Variants in CACNA1E observed in about 807,000 individuals in gnomAD.
CACNA1E encodes calcium voltage-gated channel subunit alpha1 E.
In CACNA1E, 40 loss-of-function variants were observed where a neutral mutation model predicts 259.2. The observed-to-expected ratio is 0.15, with a 90% CI of 0.12 to 0.20. CACNA1E has a LOEUF of 0.20. CACNA1E is among the 10% of genes least tolerant of loss of function. The pLI, the probability that CACNA1E is intolerant of heterozygous loss-of-function variation, is 1.00. For missense variants in CACNA1E, 1,874 were observed against 3,040.1 expected (o/e 0.62, Z 9.02); for synonymous variants, 1,104 against 1,138.5 (o/e 0.97, Z 0.61).
At chr1:181,497,811 AG>A (rs1376985831) in intron 1 of CACNA1E, among the ~76,000 whole-genome samples, 1 of 152,196 alleles carries the variant, frequency 6.6e-6, no homozygotes, top group Non-Finnish European at 1.5e-5. Context: ...ACTGGGTATG[AG>A]GCTAACTCAT....
intron 3 of CACNA1E, among the ~76,000 whole-genome samples, chr1:181,558,830 C>A (rs1649013200): frequency 6.6e-6 from 1 of 152,034 alleles, no homozygotes; most frequent in South Asian, 2.1e-4. Flanking sequence ...CAGAGAGAAA[C>A]CAGTAGGTAT....
intron 7 of CACNA1E, among the ~76,000 whole-genome samples, chr1:181,704,489 A>G (rs1289181472): frequency 6.6e-6 from 1 of 152,210 alleles, no homozygotes; most frequent in Non-Finnish European, 1.5e-5. Context: ...AAGACTTTAC[A>G]GGAACCTTGG....
chr1:181,328,827 G>T (rs558785857), intron 1 of CACNA1E, among the ~76,000 whole-genome samples: 1 of 152,134 alleles, frequency 6.6e-6, no homozygotes, highest in Non-Finnish European at 1.5e-5. Flanking sequence ...AGGCCCTCAC[G>T]CCAAAGTTGG....
At chr1:181,667,746 TGAG>T (rs555840461) in intron 7 of CACNA1E, among the ~76,000 whole-genome samples, 84 of 151,924 alleles carry the variant, frequency 5.5e-4, no homozygotes, top group Admixed American at 4.6e-3. Context: ...CAAAAAGGAA[TGAG>T]AAGACCCCAA....
chr1:181,320,137 G>A (rs1051259872), intron 1 of CACNA1E, among the ~76,000 whole-genome samples: 5 of 152,194 alleles, frequency 3.3e-5, no homozygotes, highest in African/African-American at 1.2e-4. Context: ...GACCCACAGA[G>A]TCACATGGTT....
intron 6 of CACNA1E, among the ~76,000 whole-genome samples, chr1:181,581,935 C>T (rs1285970170): frequency 1.3e-5 from 2 of 152,134 alleles, no homozygotes; most frequent in Non-Finnish European, 2.9e-5. Context: ...TTAGGTGGAA[C>T]ATAAGGTGGC....
In CACNA1E at chr1:181,563,335, T is replaced by C. The variant is rs542249489; in HGVS notation, c.513-14431T>C. ...GAAAAATATATATTTTTGTCTAAAA[T>C]TTATGGATCTGTGACTTGCCTGAAA... On this transcript the variant is annotated intron_variant, in intron 3 of 47. Coordinates refer to ENST00000367573, the MANE Select transcript of CACNA1E (RefSeq NM_001205293.3). Among the ~76,000 whole-genome samples the C allele has an allele frequency of 5.3e-5, 8 of 152,298 alleles. No individual in the cohort carries two copies. The East Asian group carries it at 1.3e-3, about 26-fold the overall frequency.
At position 181,771,747 on chromosome 1, in the gene CACNA1E, C is replaced by T. The variant is rs1363721342; in HGVS notation, c.4974-319C>T. The T allele has an allele frequency of 3.2e-5, 15 of 466,164 alleles. 1 individual carries two copies. The highest frequency in any genetic ancestry group is 5.7e-5 in the Non-Finnish European group (15 of 261,816). The allele number at this position is 466,164 out of a possible 1,614,324, so 28.9% of individuals were successfully genotyped here. On this transcript the variant is annotated intron_variant, in intron 36 of 47. Coordinates refer to ENST00000367573, the MANE Select transcript of CACNA1E (RefSeq NM_001205293.3). ...GGTTTGGGAGGGGGGAATGTCAGGA[C>T]AGTGTTTGCAGACCAAATTCCACTT...
intron 3 of CACNA1E, among the ~76,000 whole-genome samples, chr1:181,568,380 T>C (rs1650060272): frequency 6.6e-6 from 1 of 152,268 alleles, no homozygotes; most frequent in East Asian, 1.9e-4. Context: ...TTATGGCAAC[T>C]GGGGCTGGGG....
intron 1 of CACNA1E, among the ~76,000 whole-genome samples, chr1:181,318,499 G>C (rs1650085153): frequency 6.6e-6 from 1 of 152,220 alleles, no homozygotes; most frequent in African/African-American, 2.4e-5. Flanking sequence ...GGGGACTCAC[G>C]CGCCGCCGGG....
intron 1 of CACNA1E, among the ~76,000 whole-genome samples, chr1:181,333,250 C>G (rs1372764896): frequency 6.6e-6 from 1 of 152,162 alleles, no homozygotes; most frequent in African/African-American, 2.4e-5. Flanking sequence ...AGAGGCTTCC[C>G]CTCACAAGCC....
chr1:181,484,187 G>C (rs952240992), intron 1 of CACNA1E, among the ~76,000 whole-genome samples, 177 bp downstream of exon 1: 2 of 152,116 alleles, frequency 1.3e-5, no homozygotes, highest in Non-Finnish European at 2.9e-5. Context: ...ACCCGTTTGG[G>C]CACTAGTGTT....
intron 1 of CACNA1E, among the ~76,000 whole-genome samples, chr1:181,354,144 CTT>C (rs374722982): frequency 0.016 from 2,206 of 135,642 alleles, 50 homozygotes; most frequent in African/African-American, 0.054. Context: ...GGGCAGAGGA[CTT>C]TTTTTTTTTT....
intron 6 of CACNA1E, among the ~76,000 whole-genome samples, chr1:181,583,037 TA>T (rs1249825433): frequency 2.0e-5 from 3 of 151,636 alleles, no homozygotes; most frequent in African/African-American, 7.3e-5. Flanking sequence ...GATTTAGGGC[TA>T]GGGGGACTGT....
intron 6 of CACNA1E, among the ~76,000 whole-genome samples, chr1:181,615,475 A>T (rs1409665757): frequency 6.6e-6 from 1 of 152,232 alleles, no homozygotes; most frequent in Non-Finnish European, 1.5e-5. Flanking sequence ...GGTGTGAGCC[A>T]CCATGCCTGG....
intron 1 of CACNA1E, among the ~76,000 whole-genome samples, chr1:181,491,870 G>A (rs555692890): frequency 2.6e-5 from 4 of 152,236 alleles, no homozygotes; most frequent in Middle Eastern, 3.4e-3. Flanking sequence ...ACCCAAATTG[G>A]CTACTATTGA....
chr1:181,587,987 G>C (rs898919183), intron 6 of CACNA1E, among the ~76,000 whole-genome samples: 5 of 152,234 alleles, frequency 3.3e-5, no homozygotes, highest in Admixed American at 3.3e-4. Context: ...ATAGAAGTAG[G>C]GAGTGGGTTT....
chr1:181,665,357 A>G (rs963051370), intron 7 of CACNA1E, among the ~76,000 whole-genome samples: 3 of 152,212 alleles, frequency 2.0e-5, no homozygotes, highest in South Asian at 4.1e-4. Context: ...TGATTGTGCC[A>G]TTCTCTGAAT....
At chr1:181,576,467 C>T (rs1311326744) in intron 3 of CACNA1E, among the ~76,000 whole-genome samples, 3 of 152,216 alleles carry the variant, frequency 2.0e-5, no homozygotes, top group Non-Finnish European at 2.9e-5. Flanking sequence ...TATCTGCTTC[C>T]GAGGGCCATA....
Sources: allele counts gnomAD v4.1 joint callset (sites outside exome capture counted in the v4.1 genomes callset), GRCh38; gene constraint gnomAD v4.1.1; transcripts MANE v1.5; gene names NCBI Gene and HGNC (gene_info 2026-07-23, HGNC 2026-07-21).